The following ATXN2 variants were observed in gnomAD, a reference collection of about 807,000 sequenced individuals.
The protein encoded by ATXN2 is ataxin 2, also known as ataxin-2.
A neutral mutation model predicts 138.6 loss-of-function variants in ATXN2; 37 were observed. The observed-to-expected ratio is 0.27, with a 90% CI of 0.21 to 0.35. ATXN2 has a LOEUF of 0.35. Ranked by LOEUF, ATXN2 falls within the 10% of genes least tolerant of loss-of-function variation. ATXN2 has a pLI of 1.00. For missense variants in ATXN2, 1,216 were observed against 1,480.3 expected (o/e 0.82, Z 2.93); for synonymous variants, 549 against 543.7 (o/e 1.01, Z -0.13).
At position 111,534,829 on chromosome 12, in the gene ATXN2, C is replaced by G. The variant is rs944137541; in HGVS notation, c.572-9513G>C. Among the ~76,000 whole-genome samples, 15 of 152,132 alleles carry G rather than the reference C, an allele frequency of 9.9e-5. No homozygotes were observed. In the East Asian group the frequency reaches 2.9e-3, roughly 29 times the overall value. On this transcript the variant is annotated intron_variant, in intron 5 of 24. Transcript: ENST00000673436. ...TCAGAGGGAAAAAAACTGACCTATTCTATACTAAAAAGAAAATGTTAAAGT... is the reference window on the plus strand; with the variant it reads ...TCAGAGGGAAAAAAACTGACCTATTGTATACTAAAAAGAAAATGTTAAAGT...
At chr12:111,566,301 G>A (rs1883001239) in intron 1 of ATXN2, among the ~76,000 whole-genome samples, 1 of 151,796 alleles carries the variant, frequency 6.6e-6, no homozygotes. Context: ...GCATGGTGGT[G>A]CATGCCTGTA....
intron 1 of ATXN2, among the ~76,000 whole-genome samples, chr12:111,557,252 C>G (rs1194947450): frequency 7.2e-5 from 11 of 152,330 alleles, no homozygotes; most frequent in Non-Finnish European, 2.9e-5. Flanking sequence ...TCCAAAAAGT[C>G]TAGTAACACG....
In ATXN2 at chr12:111,480,442, G is replaced by C. The variant is rs1877144209; in HGVS notation, c.2524+4823C>G. Among the ~76,000 whole-genome samples the C allele has an allele frequency of 2.0e-5, 3 of 152,142 alleles. 1 individual carries two copies. The highest frequency in any genetic ancestry group is 4.1e-4 in the South Asian group (2 of 4,826). On this transcript the variant is annotated intron_variant, in intron 18 of 24. Coordinates refer to ENST00000673436, the MANE Select transcript of ATXN2 (RefSeq NM_001372574.1). The stretch of plus-strand genomic sequence containing the variant: ...AGCCTCTCAGCCTCCCAGGGTGCCA[G>C]GAGACAGGCAGATCACGAGATCAGG...
At position 111,510,348 on chromosome 12, in the gene ATXN2, G is replaced by A. The variant is rs754195402; in HGVS notation, c.1756+37C>T. 65 of 1,586,180 alleles carry A rather than the reference G, an allele frequency of 4.1e-5. No individual in the cohort carries two copies. In the South Asian group the frequency reaches 7.3e-4, roughly 18 times the overall value. On this transcript the variant is annotated intron_variant, in intron 12 of 24. Coordinates refer to ENST00000673436, the MANE Select transcript of ATXN2 (RefSeq NM_001372574.1). The stretch of plus-strand genomic sequence containing the variant: ...TCACCCTCTAACATTCAATTTCACA[G>A]CTGAGATTATGGATCCAGAAGCCCT...
At chr12:111,462,779 T>C (rs1875675302) in intron 21 of ATXN2, among the ~76,000 whole-genome samples, 1 of 152,200 alleles carries the variant, frequency 6.6e-6, no homozygotes, top group Non-Finnish European at 1.5e-5. Context: ...TGAGGATAAC[T>C]ACATTTGAGA....
chr12:111,501,486 A>G (rs1592837709), intron 14 of ATXN2, among the ~76,000 whole-genome samples: 2 of 152,236 alleles, frequency 1.3e-5, no homozygotes, highest in South Asian at 2.1e-4. Flanking sequence ...TTAGAGAGCC[A>G]AGATACCTCT....
Position 111,473,301 on chromosome 12 carries a change from C to A in ATXN2, c.2525-2559G>T, listed in dbSNP as rs1387883145. On this transcript the variant is annotated intron_variant, in intron 18 of 24. Coordinates refer to ENST00000673436, the MANE Select transcript of ATXN2 (RefSeq NM_001372574.1). ...AAAAATTAAAAAAAAAAAAAAAATT[C>A]CAGAAGTTTATACTGATAGTAAGAA... 6.0e-5 allele frequency among the ~76,000 whole-genome samples: 9 copies of A among 150,582 alleles called. No homozygotes were observed. The East Asian group carries it at 1.8e-3, about 30-fold the overall frequency.
intron 5 of ATXN2, among the ~76,000 whole-genome samples, chr12:111,543,110 A>T (rs550159447): frequency 3.3e-5 from 5 of 152,222 alleles, no homozygotes; most frequent in Admixed American, 2.0e-4. Flanking sequence ...TAATCTCAAT[A>T]ATCTCTGTAC....
At chr12:111,553,044 C>T (rs1882201319) in intron 3 of ATXN2, 67 bp from the exon 4 acceptor site, 2 of 1,121,422 alleles carry the variant, frequency 1.8e-6, no homozygotes, top group East Asian at 5.4e-5. Flanking sequence ...TATTTGTTTT[C>T]ATTTTACTTT....
At chr12:111,513,110 G>C in intron 11 of ATXN2, 1 of 443,702 alleles carries the variant, frequency 2.3e-6, no homozygotes. Flanking sequence ...TGTAGACTAG[G>C]CAAGAATTAT....
Position 111,519,992 on chromosome 12 carries a change from A to G in ATXN2, c.873T>C (p.Ser291=), listed in dbSNP as rs372472028. The G allele has an allele frequency of 3.4e-5, 55 of 1,614,016 alleles. No individual in the cohort carries two copies. Among genetic ancestry groups the G allele is most frequent in the Non-Finnish European group, 4.3e-5 (51 of 1,180,026 alleles). The change falls in exon 8 of 25, where the codon AGT becomes AGC. Residue 291 remains serine, a synonymous_variant. Coordinates refer to ENST00000673436, the MANE Select transcript of ATXN2 (RefSeq NM_001372574.1). ...GGGCCACTCGAGCTTTGTACTGGGC[A>G]CTTGACTCAATTTCTTCTGCTAACT... The part of the protein sequence containing the change: ...ANQLAEEIES[S]AQYKARVALE...
At chr12:111,599,331 G>A (rs1592946886), upstream of ATXN2, 2 of 1,163,324 alleles carry the variant, frequency 1.7e-6, no homozygotes, top group Admixed American at 4.7e-5. Context: ...GAGGGAGGGG[G>A]GCCGGGGCCG....
chr12:111,553,789 C>CG (rs1296558561), intron 3 of ATXN2, among the ~76,000 whole-genome samples: 1 of 151,484 alleles, frequency 6.6e-6, no homozygotes, highest in African/African-American at 2.4e-5. Context: ...TTTGTAGAGA[C>CG]GGAGTTCTGC....
intron 5 of ATXN2, among the ~76,000 whole-genome samples, chr12:111,529,247 A>G (rs1409595157): frequency 5.3e-5 from 8 of 152,270 alleles, no homozygotes; most frequent in Non-Finnish European, 1.2e-4. Flanking sequence ...ATTTGCATGC[A>G]GATTTTACCA....
intron 17 of ATXN2, 132 bp downstream of exon 17, chr12:111,485,581 T>G: frequency 1.8e-6 from 2 of 1,130,850 alleles, no homozygotes; most frequent in Non-Finnish European, 2.5e-6. Flanking sequence ...ACACTGAATC[T>G]CTGCATGCCT....
In ATXN2 at chr12:111,552,898, A is replaced by G; in HGVS notation, c.420+8T>C. ...CTTTGTAAGAAAAAGAAAAAAAGTA[A>G]AAATTACCTTCGGACTGTAAGTTTT... On this transcript the variant is annotated splice_region_variant and intron_variant, in intron 4 of 24. Transcript: ENST00000673436. The surrounding 1 kb of genome is among the most constrained non-coding windows in gnomAD (Gnocchi z 4.1). 2 of 1,526,720 alleles carry G rather than the reference A, an allele frequency of 1.3e-6. No individual in the cohort carries two copies. Among genetic ancestry groups the G allele is most frequent in the Non-Finnish European group, 1.8e-6 (2 of 1,136,754 alleles). 94.6% of individuals were successfully genotyped at this position (1,526,720 alleles called of 1,614,324 possible).
intron 5 of ATXN2, among the ~76,000 whole-genome samples, chr12:111,532,849 T>C (rs534359917): frequency 2.5e-4 from 31 of 126,260 alleles, no homozygotes; most frequent in African/African-American, 1.0e-3. Flanking sequence ...GAAATAGGTT[T>C]AAGGAAAAAA....
intron 1 of ATXN2, among the ~76,000 whole-genome samples, chr12:111,587,011 G>C (rs1884379394): frequency 6.9e-6 from 1 of 145,372 alleles, no homozygotes; most frequent in Admixed American, 7.3e-5. Flanking sequence ...AAAGCAGGAG[G>C]ACAGTTTAAG....
chr12:111,571,362 A>G (rs1234353666), intron 1 of ATXN2, among the ~76,000 whole-genome samples: 1 of 152,210 alleles, frequency 6.6e-6, no homozygotes, highest in African/African-American at 2.4e-5. Flanking sequence ...TTATTCTTGT[A>G]ATTTATAGTA....
Sources: allele counts gnomAD v4.1 joint callset (sites outside exome capture counted in the v4.1 genomes callset), GRCh38; gene constraint gnomAD v4.1.1; non-coding constraint Gnocchi (gnomAD v3.1); transcripts MANE v1.5; gene names NCBI Gene and HGNC (gene_info 2026-07-23, HGNC 2026-07-21).